The following SLC16A12 variants were observed in gnomAD, a reference collection of about 807,000 sequenced individuals.
SLC16A12 encodes monocarboxylate transporter 12.
In SLC16A12, 17 loss-of-function variants were observed where a neutral mutation model predicts 42.4. The ratio of observed to expected loss-of-function variants is 0.40; its 90% confidence interval spans 0.27 to 0.60. The LOEUF (loss-of-function observed/expected upper bound fraction) is 0.60, where lower values mean the gene tolerates loss of function less well. Among genes scored for constraint, SLC16A12 ranks in the 20% least tolerant of loss-of-function variants. The pLI is 0.42. For synonymous variants in SLC16A12, 224 were observed against 229.4 expected, an observed-to-expected ratio of 0.98 and a Z score of 0.21; for missense variants, 544 against 623.0, an observed-to-expected ratio of 0.87 and a Z score of 1.35.
chr10:89,535,156 T>C (rs1263102808), intron 1 of SLC16A12, among the ~76,000 whole-genome samples: 1 of 149,458 alleles, frequency 6.7e-6, no homozygotes, highest in Non-Finnish European at 1.5e-5. Context: ...CCGAGAAGTC[T>C]GCATTTGAAA....
At chr10:89,539,902 TTTCTTTC>T (rs1259574382), upstream of SLC16A12, among the ~76,000 whole-genome samples, 16 of 148,092 alleles carry the variant, frequency 1.1e-4, no homozygotes, top group African/African-American at 2.8e-4. Flanking sequence ...TCTTTCTTTC[TTTCTTTC>T]TTTTTTCTTT....
chr10:89,460,546 A>C (rs1842281457), intron 3 of SLC16A12, among the ~76,000 whole-genome samples: 1 of 151,972 alleles, frequency 6.6e-6, no homozygotes, highest in South Asian at 2.1e-4. Flanking sequence ...CAACATGGTG[A>C]AACCCCATCT....
At chr10:89,514,143 G>A (rs569414628) in intron 2 of SLC16A12, among the ~76,000 whole-genome samples, 2 of 152,306 alleles carry the variant, frequency 1.3e-5, no homozygotes, top group East Asian at 3.9e-4. Flanking sequence ...TTTCTGACAA[G>A]CTCACAAGTG....
intron 2 of SLC16A12, among the ~76,000 whole-genome samples, chr10:89,547,011 C>A (rs1564605994): frequency 6.6e-6 from 1 of 152,174 alleles, no homozygotes; most frequent in Admixed American, 6.5e-5. Flanking sequence ...GGGAGGGGAA[C>A]AACACACACC....
intron 7 of SLC16A12, among the ~76,000 whole-genome samples, chr10:89,434,081 T>C (rs757508004): frequency 3.9e-5 from 6 of 152,176 alleles, no homozygotes; most frequent in Non-Finnish European, 5.9e-5. Flanking sequence ...CAGAGAAGTA[T>C]ATGATTTCTT....
chr10:89,538,889 C>G (rs922071613), upstream of SLC16A12, among the ~76,000 whole-genome samples: 3 of 152,118 alleles, frequency 2.0e-5, no homozygotes, highest in Non-Finnish European at 4.4e-5. Flanking sequence ...TATCAAAGAA[C>G]CCGGCAAAAT....
rs565894495 is a variant in SLC16A12, at chr10:89,484,077, C to G, written c.-46-21453G>C. Among the ~76,000 whole-genome samples, 3 of 152,206 alleles carry G rather than the reference C, an allele frequency of 2.0e-5. No individual in the cohort carries two copies. In the East Asian group the frequency reaches 5.8e-4, roughly 29 times the overall value. On this transcript the variant is annotated intron_variant, in intron 2 of 7. Coordinates refer to ENST00000371790, the MANE Select transcript of SLC16A12 (RefSeq NM_213606.4). ...GCTGACATGGGTGGCTCTCTTAAGG[C>G]CAGGAGTTTGGGACCAGCCTGGGCA...
intron 3 of SLC16A12, among the ~76,000 whole-genome samples, chr10:89,460,421 G>A (rs1263428649): frequency 1.3e-5 from 2 of 152,000 alleles, no homozygotes; most frequent in Non-Finnish European, 2.9e-5. Flanking sequence ...TCTTACAGAG[G>A]TCTTCTTAAG....
At chr10:89,484,893 T>C (rs1375296172) in intron 2 of SLC16A12, among the ~76,000 whole-genome samples, 1 of 152,242 alleles carries the variant, frequency 6.6e-6, no homozygotes, top group Non-Finnish European at 1.5e-5. Flanking sequence ...TTGTGCTACC[T>C]GTTCTGCACC....
intron 2 of SLC16A12, among the ~76,000 whole-genome samples, chr10:89,497,749 A>C (rs1210927392): frequency 2.0e-5 from 3 of 151,612 alleles, no homozygotes; most frequent in Admixed American, 2.0e-4. Flanking sequence ...GGAAAAAAAA[A>C]CCCAACATGA....
chr10:89,462,237 T>C, intron 3 of SLC16A12, 142 bp downstream of exon 3: 3 of 1,159,454 alleles, frequency 2.6e-6, no homozygotes, highest in Non-Finnish European at 3.7e-6. Flanking sequence ...AAATGATACC[T>C]GAAGAGTCAA....
At chr10:89,462,902 T>C (rs1257656665) in intron 2 of SLC16A12, 3 of 274,124 alleles carry the variant, frequency 1.1e-5, no homozygotes, top group Non-Finnish European at 2.1e-5. Context: ...TAAAGTGTAG[T>C]CTCCATGAAA....
At chr10:89,515,735 G>T (rs1055190203) in intron 2 of SLC16A12, among the ~76,000 whole-genome samples, 3 of 152,066 alleles carry the variant, frequency 2.0e-5, no homozygotes, top group Admixed American at 6.5e-5. Flanking sequence ...TCACTCTCCA[G>T]CCCAGAGCCA....
At chr10:89,482,236 CAAAA>C (rs368466973) in intron 2 of SLC16A12, among the ~76,000 whole-genome samples, 3 of 106,522 alleles carry the variant, frequency 2.8e-5, no homozygotes, top group African/African-American at 1.1e-4. Context: ...AAGAATACAC[CAAAA>C]AAAAAAAAAA....
At chr10:89,473,387 T>C (rs1030564191) in intron 2 of SLC16A12, among the ~76,000 whole-genome samples, 1 of 152,182 alleles carries the variant, frequency 6.6e-6, no homozygotes, top group Non-Finnish European at 1.5e-5. Flanking sequence ...TTGACTCTTA[T>C]TGTCACTCCA....
chr10:89,459,409 GT>G (rs1842254850), intron 3 of SLC16A12, among the ~76,000 whole-genome samples: 1 of 152,074 alleles, frequency 6.6e-6, no homozygotes, highest in Admixed American at 6.6e-5. Flanking sequence ...ATGTTTGTGT[GT>G]GTGTAGTGTG....
intron 2 of SLC16A12, among the ~76,000 whole-genome samples, chr10:89,526,579 G>A (rs1001149022): frequency 5.9e-5 from 9 of 152,248 alleles, no homozygotes; most frequent in African/African-American, 1.7e-4. Context: ...GGAACAGGAA[G>A]CAGAAACTTA....
At chr10:89,498,942 T>G (rs758771032) in intron 2 of SLC16A12, among the ~76,000 whole-genome samples, 7 of 152,044 alleles carry the variant, frequency 4.6e-5, no homozygotes, top group Non-Finnish European at 7.4e-5. Flanking sequence ...GAGTACTACA[T>G]CAACGGAACA....
intron 3 of SLC16A12, among the ~76,000 whole-genome samples, chr10:89,458,968 G>A (rs962722050): frequency 6.6e-6 from 1 of 152,108 alleles, no homozygotes; most frequent in Non-Finnish European, 1.5e-5. Context: ...ATTTGTCTGT[G>A]GTATGTCGGA....
Sources: gnomAD v4.1 joint callset for allele counts (sites outside exome capture counted in the v4.1 genomes callset) on GRCh38, gnomAD v4.1.1 for gene constraint, MANE v1.5 for transcripts, NCBI Gene and HGNC (gene_info 2026-07-23, HGNC 2026-07-21) for gene names.